The following NOX4 variants were observed in gnomAD, a reference collection of about 807,000 sequenced individuals.
NOX4 encodes NADPH oxidase 4, also known as kidney oxidase-1.
NOX4 carries 69 observed loss-of-function variants against 87.6 expected under a neutral mutation model. The ratio of observed to expected loss-of-function variants is 0.79; its 90% confidence interval spans 0.65 to 0.96. The LOEUF (loss-of-function observed/expected upper bound fraction) is 0.96. Among genes scored for constraint, NOX4 ranks in the 40% least tolerant of loss-of-function variants. The pLI is 0.00. For missense variants in NOX4, 680 were observed against 681.5 expected (o/e 1.00, Z 0.02); for synonymous variants, 275 against 238.2 (o/e 1.15, Z -1.42).
chr11:89,456,705 A>T (rs1280788979), intron 2 of NOX4, among the ~76,000 whole-genome samples: 1 of 151,948 alleles, frequency 6.6e-6, no homozygotes, highest in Non-Finnish European at 1.5e-5. Flanking sequence ...ACAGCCCATG[A>T]CTCCCACGGA....
rs1444842512 is a variant in NOX4 at position 89,335,960 on chromosome 11, G to A, written c.1516-15C>T. The A allele has an allele frequency of 3.4e-6, 5 of 1,480,518 alleles. No individual in the cohort carries two copies. Among genetic ancestry groups the A allele is most frequent in the Non-Finnish European group, 4.7e-6 (5 of 1,068,858 alleles). The allele number at this position is 1,480,518 out of a possible 1,614,324, so 91.7% of individuals were successfully genotyped here. A position where few individuals can be genotyped will look rare whatever the true frequency, so the allele number is the denominator to read the frequency against. On this transcript the variant is annotated splice_polypyrimidine_tract_variant and intron_variant, in intron 16 of 17. Transcript: ENST00000263317. ...CCAATTATCTTCTGCCAAAAAGAAA[G>A]CACTACATTATTCGATATTTAGTTA...
At chr11:89,549,396 T>C in the NOX4 span, among the ~76,000 whole-genome samples, 1 of 152,226 alleles carries the variant, frequency 6.6e-6, no homozygotes, top group Admixed American at 6.5e-5. Flanking sequence ...TCTTGTTTCC[T>C]TCAAATGTGT....
intron 2 of NOX4, among the ~76,000 whole-genome samples, chr11:89,464,860 C>A (rs1945608888): frequency 6.6e-6 from 1 of 152,124 alleles, no homozygotes; most frequent in African/African-American, 2.4e-5. Context: ...CGTTTCTCTC[C>A]AAAATTCATT....
At chr11:89,478,856 G>A (rs1047817264) in intron 2 of NOX4, among the ~76,000 whole-genome samples, 3 of 152,052 alleles carry the variant, frequency 2.0e-5, no homozygotes, top group African/African-American at 7.2e-5. Context: ...TTAGTTCAGT[G>A]ATGGGTTCTA....
At chr11:89,570,551 A>G in the NOX4 span, among the ~76,000 whole-genome samples, 1 of 152,252 alleles carries the variant, frequency 6.6e-6, no homozygotes, top group East Asian at 1.9e-4. Context: ...GTATTTTTAA[A>G]AGGCCAAATA....
At chr11:89,425,897 C>T (rs12421004) in intron 7 of NOX4, among the ~76,000 whole-genome samples, 1 of 152,020 alleles carries the variant, frequency 6.6e-6, no homozygotes, top group African/African-American at 2.4e-5. Flanking sequence ...AATTTCACAT[C>T]TGAACAAGTA....
In NOX4 at chr11:89,324,706, T is replaced by A. The variant is rs1331804318; in HGVS notation, c.*2050A>T. The A allele has an allele frequency of 6.6e-6, 1 of 152,226 alleles. No homozygotes were observed. The highest frequency in any genetic ancestry group is 2.1e-4 in the South Asian group (1 of 4,826). 9.4% of individuals were successfully genotyped at this position (152,226 alleles called of 1,614,324 possible). ...ACATTAAGCCTGGACTAACTCAAAG[T>A]GTCTTTTTACTAGTTCTTTCTGTTA... On this transcript the variant is annotated 3_prime_UTR_variant, in exon 18 of 18. Transcript: ENST00000263317.
intron 8 of NOX4, among the ~76,000 whole-genome samples, chr11:89,404,164 A>G (rs1004495673): frequency 7.2e-5 from 11 of 152,156 alleles, no homozygotes; most frequent in African/African-American, 1.2e-4. Flanking sequence ...TAGTCACCCA[A>G]TACAATTGCT....
At chr11:89,414,198 A>T (rs1249601727) in intron 8 of NOX4, among the ~76,000 whole-genome samples, 1 of 152,076 alleles carries the variant, frequency 6.6e-6, no homozygotes, top group Non-Finnish European at 1.5e-5. Context: ...TTTTAAAGTC[A>T]AAATACCAAA....
intron 11 of NOX4, among the ~76,000 whole-genome samples, chr11:89,385,978 C>T (rs184327300): frequency 6.6e-6 from 1 of 152,250 alleles, no homozygotes; most frequent in Admixed American, 6.5e-5. Context: ...TTCTCAGGCT[C>T]TTGGTATTCA....
the NOX4 span, among the ~76,000 whole-genome samples, chr11:89,516,478 A>G: frequency 6.6e-6 from 1 of 152,044 alleles, no homozygotes; most frequent in Non-Finnish European, 1.5e-5. Context: ...TGACAATCTC[A>G]GGCTTTTTTT....
intron 14 of NOX4, among the ~76,000 whole-genome samples, chr11:89,340,720 C>G (rs1945950606): frequency 6.6e-6 from 1 of 152,130 alleles, no homozygotes; most frequent in South Asian, 2.1e-4. Context: ...ATTCCAGCAA[C>G]TCATAATTCC....
intron 11 of NOX4, among the ~76,000 whole-genome samples, chr11:89,389,394 G>C (rs1236895553): frequency 6.6e-6 from 1 of 152,124 alleles, no homozygotes; most frequent in Non-Finnish European, 1.5e-5. Flanking sequence ...AGTATGAAAA[G>C]CTTAATCTCC....
the NOX4 span, among the ~76,000 whole-genome samples, chr11:89,541,850 C>T: frequency 6.6e-6 from 1 of 152,156 alleles, no homozygotes; most frequent in African/African-American, 2.4e-5. Context: ...GATAAGTTCT[C>T]ACTATGTCAC....
chr11:89,543,387 T>G, the NOX4 span, among the ~76,000 whole-genome samples: 6 of 152,254 alleles, frequency 3.9e-5, no homozygotes, highest in South Asian at 4.1e-4. Flanking sequence ...TTCTACATAT[T>G]AATTGGTTCC....
At chr11:89,510,665 A>G in the NOX4 span, among the ~76,000 whole-genome samples, 1 of 152,116 alleles carries the variant, frequency 6.6e-6, no homozygotes, top group Admixed American at 6.6e-5. Context: ...AGAGAAAACA[A>G]AAAAGCAAGA....
intron 2 of NOX4, chr11:89,488,952 C>G: frequency 1.4e-6 from 1 of 700,368 alleles, no homozygotes; most frequent in Non-Finnish European, 2.6e-6. Context: ...AGGTCTTACT[C>G]TCTGGGTGCC....
chr11:89,405,969 T>A (rs1942156771), intron 8 of NOX4, among the ~76,000 whole-genome samples: 1 of 152,030 alleles, frequency 6.6e-6, no homozygotes. Flanking sequence ...GACCAATGTA[T>A]ACATTGAGCA....
chr11:89,377,888 A>G (rs1565214272), intron 11 of NOX4, among the ~76,000 whole-genome samples: 1 of 152,180 alleles, frequency 6.6e-6, no homozygotes. Context: ...TATACCTGAA[A>G]TTCACTCTAA....
Sources: gnomAD v4.1 joint callset for allele counts (sites outside exome capture counted in the v4.1 genomes callset) on GRCh38, gnomAD v4.1.1 for gene constraint, MANE v1.5 for transcripts, NCBI Gene and HGNC (gene_info 2026-07-23, HGNC 2026-07-21) for gene names.